Variants in COL4A5 observed in about 807,000 individuals in gnomAD.
The protein encoded by COL4A5 is collagen alpha-5(IV) chain.
Under a neutral mutation model 130.2 loss-of-function variants are expected in COL4A5, and 26 were observed. The ratio of observed to expected loss-of-function variants is 0.20; its 90% CI spans 0.15 to 0.28. The LOEUF is 0.28. Among genes scored for constraint, COL4A5 ranks in the 10% least tolerant of loss-of-function variants. COL4A5 has a pLI of 1.00. For synonymous variants in COL4A5, 496 were observed against 439.6 expected (o/e 1.13, Z -1.60); for missense variants, 1,131 against 1,344.3 (o/e 0.84, Z 2.48).
chrX:108,611,341 A>G (rs748253714), intron 29 of COL4A5, among the ~76,000 whole-genome samples: 1 of 111,249 alleles, frequency 9.0e-6, no homozygotes, highest in South Asian at 3.8e-4. Flanking sequence ...TATCTAAGGT[A>G]CCTGGAGAGG....
At chrX:108,665,647 TG>T in intron 38 of COL4A5, 60 bp downstream of exon 38, 1 of 857,702 alleles carries the variant, frequency 1.2e-6, no homozygotes, top group Non-Finnish European at 1.7e-6. Context: ...ATATTAAGTT[TG>T]GGAAAGTCAA....
At chrX:108,616,862 A>G (rs1219275984) in intron 30 of COL4A5, among the ~76,000 whole-genome samples, 1 of 109,303 alleles carries the variant, frequency 9.1e-6, no homozygotes, top group Non-Finnish European at 1.9e-5. Flanking sequence ...ATAAATATAT[A>G]GATATAAATA....
At chrX:108,674,582 A>T in intron 42 of COL4A5, 163 bp from the exon 43 acceptor site, 1 of 526,129 alleles carries the variant, frequency 1.9e-6, no homozygotes, top group Non-Finnish European at 3.1e-6. Flanking sequence ...CTGTTTGCAT[A>T]CTGATTATGC....
intron 36 of COL4A5, among the ~76,000 whole-genome samples, chrX:108,649,258 G>A (rs1010401493): frequency 9.8e-5 from 11 of 111,799 alleles, no homozygotes; most frequent in African/African-American, 2.3e-4. Context: ...AATCATAGAC[G>A]ACACAAACAA....
At chrX:108,446,583 T>A (rs2064454459) in intron 1 of COL4A5, among the ~76,000 whole-genome samples, 1 of 111,819 alleles carries the variant, frequency 8.9e-6, no homozygotes, top group African/African-American at 3.2e-5. Flanking sequence ...TATATCCTGT[T>A]AGGTAGCTAA....
chrX:108,643,849 G>A (rs764936362), intron 36 of COL4A5, among the ~76,000 whole-genome samples: 34 of 111,788 alleles, frequency 3.0e-4, no homozygotes, highest in Non-Finnish European at 5.3e-4. Context: ...AAGGTACGCA[G>A]GCAACAAATA....
Position 108,686,144 on chromosome X carries a change from A to G in COL4A5, c.4315+15A>G, listed in dbSNP as rs2068541291. ...AGGACAGCCAGGTAAGACAAGTAAA[A>G]CATGCTGTTGGTGGAGGGAAAGTCT... On this transcript the variant is annotated intron_variant, in intron 48 of 52. Coordinates refer to ENST00000328300, the MANE Select transcript of COL4A5 (RefSeq NM_033380.3). 2.6e-6 allele frequency: 3 copies of G among 1,174,275 alleles called. No individual in the cohort carries two copies. Among genetic ancestry groups the G allele is most frequent in the South Asian group, 3.6e-5 (2 of 55,334 alleles).
chrX:108,476,238 G>C (rs1238521339), intron 1 of COL4A5, among the ~76,000 whole-genome samples: 1 of 110,767 alleles, frequency 9.0e-6, no homozygotes, highest in East Asian at 2.8e-4. Context: ...AAAATACCTT[G>C]ATTTATTTAT....
intron 10 of COL4A5, among the ~76,000 whole-genome samples, chrX:108,576,649 A>C (rs1156763125): frequency 8.9e-6 from 1 of 112,396 alleles, no homozygotes; most frequent in Non-Finnish European, 1.9e-5. Flanking sequence ...TTTCAGTAGA[A>C]GTAATTTCTC....
At chrX:108,583,224 A>G (rs973089361) in intron 17 of COL4A5, among the ~76,000 whole-genome samples, 2 of 112,042 alleles carry the variant, frequency 1.8e-5, no homozygotes, top group Non-Finnish European at 3.8e-5. Flanking sequence ...ATGTATCGGC[A>G]AAACTTCTTT....
chrX:108,581,193 A>T (rs181803644), intron 16 of COL4A5, among the ~76,000 whole-genome samples, 166 bp downstream of exon 16: 21 of 111,922 alleles, frequency 1.9e-4, no homozygotes, highest in Admixed American at 1.6e-3. Flanking sequence ...TTCAATTTTT[A>T]AAAAATTTTG....
intron 1 of COL4A5, among the ~76,000 whole-genome samples, chrX:108,500,302 C>T (rs2065068767): frequency 8.9e-6 from 1 of 112,008 alleles, no homozygotes; most frequent in Non-Finnish European, 1.9e-5. Flanking sequence ...TTTCAGGCTC[C>T]CATGAGAATT....
At chrX:108,469,336 G>T (rs1412567927) in intron 1 of COL4A5, among the ~76,000 whole-genome samples, 3 of 108,799 alleles carry the variant, frequency 2.8e-5, no homozygotes, top group African/African-American at 1.0e-4. Flanking sequence ...GCAGAGATGG[G>T]GTCTTGCTTT....
intron 34 of COL4A5, among the ~76,000 whole-genome samples, chrX:108,625,413 G>T (rs1042063502): frequency 1.8e-5 from 2 of 112,366 alleles, no homozygotes; most frequent in African/African-American, 3.2e-5. Context: ...TACACATACA[G>T]CAAATAGCAC....
At chrX:108,599,060 G>A (rs1353428414) in intron 25 of COL4A5, among the ~76,000 whole-genome samples, 190 bp downstream of exon 25, 1 of 111,261 alleles carries the variant, frequency 9.0e-6, no homozygotes, top group East Asian at 2.8e-4. Flanking sequence ...TTTTCTAACT[G>A]TTTCATTGTT....
Position 108,665,723 on chromosome X carries a change from T to C in COL4A5, c.3454+136T>C, listed in dbSNP as rs1025186729. ...TAGTGTTCATTCACTTAACACTGCA[T>C]GTGAGGTACAGAATGAATAACTTTT... On this transcript the variant is annotated intron_variant, in intron 38 of 52. Coordinates refer to ENST00000328300, the MANE Select transcript of COL4A5 (RefSeq NM_033380.3). 5.7e-5 allele frequency: 28 copies of C among 493,927 alleles called. No homozygotes were observed. The African/African-American group carries it at 5.7e-4, about 10-fold the overall frequency. The allele number at this position is 493,927 out of a possible 1,213,427, so 40.7% of individuals were successfully genotyped here. A position where few individuals can be genotyped will look rare whatever the true frequency, so the allele number is the denominator to read the frequency against.
chrX:108,507,056 C>T (rs1452663941), intron 1 of COL4A5, among the ~76,000 whole-genome samples: 3 of 109,641 alleles, frequency 2.7e-5, no homozygotes, highest in Non-Finnish European at 5.7e-5. Flanking sequence ...TAATAAATAG[C>T]CTACCAACAA....
At chrX:108,686,248 G>A (rs1382115769) in intron 48 of COL4A5, 119 bp downstream of exon 48, 2 of 562,904 alleles carry the variant, frequency 3.6e-6, no homozygotes, top group South Asian at 5.0e-5. Flanking sequence ...ATAGCTGACT[G>A]GTGAATGTGG....
At chrX:108,667,039 A>G in intron 39 of COL4A5, 94 bp from the exon 40 acceptor site, 1 of 808,083 alleles carries the variant, frequency 1.2e-6, no homozygotes, top group Non-Finnish European at 1.9e-6. Flanking sequence ...GCTGCACCTA[A>G]TGAAAACCTC....
Sources: allele counts gnomAD v4.1 joint callset (sites outside exome capture counted in the v4.1 genomes callset), GRCh38; gene constraint gnomAD v4.1.1; transcripts MANE v1.5; gene names NCBI Gene and HGNC (gene_info 2026-07-23, HGNC 2026-07-21).